Variants in PKD1L1 observed in about 807,000 individuals in gnomAD.
PKD1L1 encodes the protein polycystin-1-like protein 1.
PKD1L1 carries 236 observed loss-of-function variants against 323.4 expected under a neutral mutation model. That is an observed-to-expected ratio of 0.73 (90% CI 0.66 to 0.81). PKD1L1 has a LOEUF of 0.81. Ranked by LOEUF, PKD1L1 falls within the 40% of genes least tolerant of loss-of-function variation. The pLI is 0.00. For missense variants in PKD1L1, 3,320 were observed against 3,508.0 expected (o/e 0.95, Z 1.35); for synonymous variants, 1,344 against 1,335.0 (o/e 1.01, Z -0.15).
intron 8 of PKD1L1, among the ~76,000 whole-genome samples, chr7:47,912,891 GA>G (rs1352689821): frequency 6.6e-6 from 1 of 151,714 alleles, no homozygotes; most frequent in South Asian, 2.1e-4. Context: ...CAATGACGGG[GA>G]AAAAAGAAGG....
intron 56 of PKD1L1, among the ~76,000 whole-genome samples, chr7:47,783,711 G>C (rs965609241): frequency 6.6e-6 from 1 of 152,214 alleles, no homozygotes; most frequent in African/African-American, 2.4e-5. Context: ...GCCTGGAACA[G>C]ATCCTTCACC....
At chr7:47,842,769 G>A (rs1785588144) in intron 34 of PKD1L1, among the ~76,000 whole-genome samples, 193 bp downstream of exon 34, 1 of 152,160 alleles carries the variant, frequency 6.6e-6, no homozygotes, top group African/African-American at 2.4e-5. Context: ...GAAGGTGAAG[G>A]GGTCTGCTCT....
intron 31 of PKD1L1, among the ~76,000 whole-genome samples, 155 bp from the exon 32 acceptor site, chr7:47,847,226 C>T (rs897610676): frequency 1.3e-5 from 2 of 152,198 alleles, no homozygotes; most frequent in African/African-American, 4.8e-5. Context: ...CATTTCCTGT[C>T]CCCGAAGCAT....
intron 2 of PKD1L1, among the ~76,000 whole-genome samples, chr7:47,942,475 T>C (rs1284379267): frequency 6.9e-6 from 1 of 144,832 alleles, no homozygotes; most frequent in East Asian, 2.2e-4. Context: ...AATCCGTCTC[T>C]TTAGAAATTA....
chr7:47,782,627 C>G (rs1016956316), intron 56 of PKD1L1, among the ~76,000 whole-genome samples: 1 of 152,196 alleles, frequency 6.6e-6, no homozygotes, highest in African/African-American at 2.4e-5. Flanking sequence ...AATCTCCACA[C>G]TGGTGTAGTG....
chr7:47,902,441 A>C lies in PKD1L1; in HGVS notation c.2002T>G (p.Phe668Val), dbSNP rs1484457626. 1 of 1,614,058 alleles carries C rather than the reference A, an allele frequency of 6.2e-7. No homozygotes were observed. Among genetic ancestry groups the C allele is most frequent in the African/African-American group, 1.3e-5 (1 of 74,904 alleles). ...VSASTLRQQL[F>V]IVCEPCQPPL... ...GGCTGGCAGGGCTCGCACACGATGAAAAGTTGCTGTCTTAGAGTGGAGGCA... is the reference window on the plus strand; with the variant it reads ...GGCTGGCAGGGCTCGCACACGATGACAAGTTGCTGTCTTAGAGTGGAGGCA... The change falls in exon 13 of 57, where the codon TTC becomes GTC. Residue 668 changes from phenylalanine to valine, a missense_variant. Phe to Val is a conservative substitution (Grantham distance 50, BLOSUM62 -1). Coordinates refer to ENST00000289672, the MANE Select transcript of PKD1L1 (RefSeq NM_138295.5).
intron 52 of PKD1L1, among the ~76,000 whole-genome samples, chr7:47,806,274 C>A (rs976789743): frequency 6.6e-6 from 1 of 152,212 alleles, no homozygotes; most frequent in Admixed American, 6.5e-5. Context: ...GAGGCCCACA[C>A]CTGCTGGCCA....
At chr7:47,850,644 A>AAAG (rs1457534155) in intron 31 of PKD1L1, among the ~76,000 whole-genome samples, 10 of 151,646 alleles carry the variant, frequency 6.6e-5, no homozygotes, top group Non-Finnish European at 1.5e-5. Flanking sequence ...AAAAAAAAAA[A>AAAG]AAAAAAAAGG....
intron 15 of PKD1L1, among the ~76,000 whole-genome samples, chr7:47,892,157 A>G (rs1354559367): frequency 6.6e-6 from 1 of 152,196 alleles, no homozygotes; most frequent in Non-Finnish European, 1.5e-5. Flanking sequence ...GACTACTGTG[A>G]AGAAAGATGC....
At chr7:47,888,536 C>T (rs1465159993) in intron 16 of PKD1L1, among the ~76,000 whole-genome samples, 1 of 152,244 alleles carries the variant, frequency 6.6e-6, no homozygotes, top group Non-Finnish European at 1.5e-5. Context: ...GATCCCTCTT[C>T]GCTGCCTTGC....
chr7:47,960,519 A>C, the PKD1L1 span, among the ~76,000 whole-genome samples: 1 of 151,780 alleles, frequency 6.6e-6, no homozygotes, highest in African/African-American at 2.4e-5. Context: ...TTAACGTAAA[A>C]TCAAGAAGCA....
chr7:47,837,068 GT>G lies in PKD1L1; in HGVS notation c.5795del (p.Tyr1932SerfsTer169), dbSNP rs1382096525. 6.2e-7 allele frequency: 1 copy of G among 1,614,072 alleles called. No homozygotes were observed. Among genetic ancestry groups the G allele is most frequent in the African/African-American group, 1.3e-5 (1 of 74,940 alleles). The part of the protein sequence containing the change: ...RKLFYCKFTE[Y>X]LEDFHVWLSV... ...ACAGCCAGACATGGAAATCCTCCAG[GT>G]ACTCTGTGAACTTGCAATAGAAAAG... is the stretch of plus-strand genomic sequence containing the variant. On this transcript the variant is annotated frameshift_variant, in exon 37 of 57. Transcript: ENST00000289672. LOFTEE classifies it high-confidence loss of function.
intron 5 of PKD1L1, among the ~76,000 whole-genome samples, 188 bp from the exon 6 acceptor site, chr7:47,931,509 A>T (rs1432066120): frequency 6.6e-6 from 1 of 152,220 alleles, no homozygotes; most frequent in Non-Finnish European, 1.5e-5. Context: ...TAGGATTCAC[A>T]CTTTCCAGCA....
At chr7:47,821,273 T>C (rs892701395) in intron 45 of PKD1L1, 87 bp from the exon 46 acceptor site, 1 of 710,806 alleles carries the variant, frequency 1.4e-6, no homozygotes, top group South Asian at 2.2e-5. Flanking sequence ...TTTATTATTA[T>C]TATTATTATT....
Position 47,839,479 on chromosome 7 carries a change from G to A in PKD1L1, c.5736C>T (p.Leu1912=), listed in dbSNP as rs769554522. The A allele has an allele frequency of 1.9e-6, 3 of 1,612,266 alleles. No homozygotes were observed. The highest frequency in any genetic ancestry group is 2.2e-5 in the South Asian group (2 of 90,588). The change falls in exon 36 of 57, where the codon CTC becomes CTT. Residue 1912 remains leucine, a synonymous_variant. Coordinates refer to ENST00000289672, the MANE Select transcript of PKD1L1 (RefSeq NM_138295.5). This position sits in a 1 kb window ranked among gnomAD's most constrained non-coding sequence, Gnocchi z 4.3. ...GRHDGRVERE[L]TCLQGGLGFR... is the part of the protein sequence containing the mutation. ...AGCCGAGTCCCCCTTGCAGACAGGT[G>A]AGCTCCCGCTCCACGCGACCATCAT...
intron 28 of PKD1L1, among the ~76,000 whole-genome samples, chr7:47,857,273 T>C (rs1785925772): frequency 6.6e-6 from 1 of 152,226 alleles, no homozygotes; most frequent in Non-Finnish European, 1.5e-5. Flanking sequence ...GCCAGAATGC[T>C]TGCATAATCA....
At chr7:47,956,512 G>A in the PKD1L1 span, among the ~76,000 whole-genome samples, 5 of 152,270 alleles carry the variant, frequency 3.3e-5, no homozygotes, top group Admixed American at 2.0e-4. Flanking sequence ...TAGCGTTCAC[G>A]GGCTTAAAGA....
intron 28 of PKD1L1, among the ~76,000 whole-genome samples, chr7:47,856,889 G>A (rs1785915385): frequency 6.6e-6 from 1 of 151,300 alleles, no homozygotes; most frequent in African/African-American, 2.5e-5. Context: ...CCACGTACTT[G>A]AGCCAGACTG....
intron 7 of PKD1L1, among the ~76,000 whole-genome samples, chr7:47,922,527 C>T (rs545442505): frequency 4.0e-4 from 61 of 151,996 alleles, no homozygotes; most frequent in African/African-American, 1.3e-3. Flanking sequence ...CCCGCCGCCC[C>T]GTCTGAGATG....
Sources: allele counts gnomAD v4.1 joint callset (sites outside exome capture counted in the v4.1 genomes callset), GRCh38; gene constraint gnomAD v4.1.1; non-coding constraint Gnocchi (gnomAD v3.1); transcripts MANE v1.5; gene names NCBI Gene and HGNC (gene_info 2026-07-23, HGNC 2026-07-21).